KCNC2: variants seen among roughly 807,000 people sequenced by gnomAD.
KCNC2 encodes the protein potassium voltage-gated channel subfamily C member 2.
KCNC2 carries 21 observed loss-of-function variants against 44.5 expected under a neutral mutation model. The ratio of observed to expected loss-of-function variants is 0.47; its 90% CI spans 0.33 to 0.68. KCNC2 has a LOEUF of 0.68. KCNC2 is among the 30% of genes least tolerant of loss of function. The probability of loss-of-function intolerance (pLI) is 0.01; values close to 1 mark genes in which losing one functional copy is unlikely to be tolerated. For synonymous variants in KCNC2, 391 were observed against 339.1 expected (o/e 1.15, Z -1.68); for missense variants, 589 against 826.2 (o/e 0.71, Z 3.52).
intron 2 of KCNC2, among the ~76,000 whole-genome samples, chr12:75,118,296 C>A (rs568253933): frequency 6.6e-6 from 1 of 151,906 alleles, no homozygotes; most frequent in Admixed American, 6.6e-5. Flanking sequence ...AATACATGCA[C>A]GATACTACAG....
At chr12:75,128,692 C>T (rs986404556) in intron 2 of KCNC2, among the ~76,000 whole-genome samples, 6 of 152,100 alleles carry the variant, frequency 3.9e-5, no homozygotes, top group African/African-American at 1.4e-4. Flanking sequence ...ATGGTTTTCA[C>T]TGCCTGGTTA....
chr12:75,072,110 G>A lies in KCNC2; in HGVS notation c.688-20793C>T, dbSNP rs190549794. Among the ~76,000 whole-genome samples, 840 of 152,190 alleles carry A rather than the reference G, an allele frequency of 5.5e-3. 9 individuals are homozygous for A. The highest frequency in any genetic ancestry group is 0.024 in the Middle Eastern group (7 of 294). On this transcript the variant is annotated intron_variant, in intron 2 of 4. Transcript: ENST00000549446. ...TGATATATGTAATTATGCTGACATA[G>A]AATCAATATGTTATGGAGCTAGATG... is the stretch of plus-strand genomic sequence containing the variant.
chr12:75,184,493 A>AT (rs890038776), intron 2 of KCNC2, among the ~76,000 whole-genome samples: 5 of 151,972 alleles, frequency 3.3e-5, no homozygotes, highest in African/African-American at 4.8e-5. Flanking sequence ...TGATTTATAT[A>AT]TTTTTTTCAT....
At chr12:75,077,928 T>C (rs1697429005) in intron 2 of KCNC2, among the ~76,000 whole-genome samples, 1 of 152,080 alleles carries the variant, frequency 6.6e-6, no homozygotes, top group Non-Finnish European at 1.5e-5. Flanking sequence ...ACCCTAAATA[T>C]TACATATTTA....
intron 2 of KCNC2, among the ~76,000 whole-genome samples, chr12:75,132,106 G>C (rs1167154168): frequency 6.6e-6 from 1 of 152,000 alleles, no homozygotes; most frequent in African/African-American, 2.4e-5. Context: ...TCCACTTTAA[G>C]GTTTTGTAGT....
intron 2 of KCNC2, among the ~76,000 whole-genome samples, 179 bp from the exon 3 acceptor site, chr12:75,051,496 A>C (rs1881167560): frequency 6.6e-6 from 1 of 152,166 alleles, no homozygotes; most frequent in Admixed American, 6.6e-5. Flanking sequence ...TAGAGTGTAC[A>C]GGTAATGTAT....
At chr12:75,136,925 T>G (rs1190001906) in intron 2 of KCNC2, among the ~76,000 whole-genome samples, 1 of 152,104 alleles carries the variant, frequency 6.6e-6, no homozygotes, top group African/African-American at 2.4e-5. Context: ...CTCTGCATGT[T>G]CCCACCACAA....
At chr12:75,152,316 AAAAAG>A (rs1029942995) in intron 2 of KCNC2, among the ~76,000 whole-genome samples, 2 of 151,710 alleles carry the variant, frequency 1.3e-5, no homozygotes, top group African/African-American at 4.8e-5. Flanking sequence ...AAAATCAACG[AAAAAG>A]AAAACACAAA....
intron 2 of KCNC2, among the ~76,000 whole-genome samples, chr12:75,086,953 T>C (rs188215571): frequency 3.0e-4 from 45 of 152,074 alleles, no homozygotes; most frequent in Admixed American, 2.4e-3. Flanking sequence ...TTTATTCATG[T>C]AGTTATTCAA....
At chr12:75,093,744 T>C (rs1451875998) in intron 2 of KCNC2, among the ~76,000 whole-genome samples, 1 of 151,624 alleles carries the variant, frequency 6.6e-6, no homozygotes, top group Non-Finnish European at 1.5e-5. Flanking sequence ...CTAAAACTCA[T>C]GTTCACCCAC....
At chr12:75,155,966 C>T (rs986201861) in intron 2 of KCNC2, among the ~76,000 whole-genome samples, 4 of 151,746 alleles carry the variant, frequency 2.6e-5, no homozygotes, top group Non-Finnish European at 5.9e-5. Flanking sequence ...AAGACAAGTA[C>T]CTACAATGAG....
chr12:75,188,701 A>G (rs1274440849), intron 2 of KCNC2, among the ~76,000 whole-genome samples: 1 of 151,834 alleles, frequency 6.6e-6, no homozygotes, highest in Non-Finnish European at 1.5e-5. Context: ...TCTACTAAAA[A>G]TACAAAAAAT....
At chr12:75,061,649 T>C (rs1882352037) in intron 2 of KCNC2, among the ~76,000 whole-genome samples, 1 of 148,984 alleles carries the variant, frequency 6.7e-6, no homozygotes, top group African/African-American at 2.5e-5. Flanking sequence ...GGGTGGAAAA[T>C]CAATTTTGTC....
chr12:75,066,409 A>C (rs1018362883), intron 2 of KCNC2, among the ~76,000 whole-genome samples: 2 of 152,218 alleles, frequency 1.3e-5, no homozygotes, highest in African/African-American at 4.8e-5. Context: ...GACTAAATTA[A>C]AGTTTCCTAG....
At position 75,112,132 on chromosome 12, in the gene KCNC2, T is replaced by A. The variant is rs942063195; in HGVS notation, c.688-60815A>T. Among the ~76,000 whole-genome samples the A allele has an allele frequency of 1.2e-4, 18 of 151,926 alleles. 1 individual carries two copies. Among genetic ancestry groups the A allele is most frequent in the East Asian group, 9.6e-4 (5 of 5,200 alleles). ...GTTAACTATAATTTATCTATCACTTTATATAATGTGAAAAATACAAAAATA... is the reference window on the plus strand; with the variant it reads ...GTTAACTATAATTTATCTATCACTTAATATAATGTGAAAAATACAAAAATA... On this transcript the variant is annotated intron_variant, in intron 2 of 4. Coordinates refer to ENST00000549446, the MANE Select transcript of KCNC2 (RefSeq NM_139137.4).
intron 2 of KCNC2, among the ~76,000 whole-genome samples, chr12:75,130,586 A>G (rs1888767335): frequency 6.6e-6 from 1 of 152,296 alleles, no homozygotes; most frequent in Non-Finnish European, 1.5e-5. Context: ...TTATTATAAC[A>G]TAGAAAGTGA....
At chr12:75,145,215 A>G (rs562022753) in intron 2 of KCNC2, among the ~76,000 whole-genome samples, 22 of 134,166 alleles carry the variant, frequency 1.6e-4, no homozygotes, top group African/African-American at 6.1e-4. Flanking sequence ...ATCCTCTCCA[A>G]AAAAAAAAAG....
rs201942907 is a variant in KCNC2, at chr12:75,050,397, G to T, written c.1608C>A (p.Asn536Lys). The change falls in exon 3 of 5, where the codon AAC becomes AAA. Residue 536 changes from asparagine (N) to lysine (K), a missense_variant. Coordinates refer to ENST00000549446, the MANE Select transcript of KCNC2 (RefSeq NM_139137.4). ...TTTGAAGTCCTGCCTTACCTGATCTGTTATGTTCCAGAAGTCGATTGTCTT... is the reference window on the plus strand; with the variant it reads ...TTTGAAGTCCTGCCTTACCTGATCTTTTATGTTCCAGAAGTCGATTGTCTT... ...LGKDNRLLEH[N>K]RSVLSGDDST... 2 of 1,607,514 alleles carry T rather than the reference G, an allele frequency of 1.2e-6. No individual in the cohort carries two copies. The highest frequency in any genetic ancestry group is 1.7e-6 in the Non-Finnish European group (2 of 1,175,580).
chr12:75,130,000 A>T (rs1463549510), intron 2 of KCNC2, among the ~76,000 whole-genome samples: 1 of 152,184 alleles, frequency 6.6e-6, no homozygotes, highest in Non-Finnish European at 1.5e-5. Flanking sequence ...GCCAGCCTTT[A>T]TTCAATCTAC....
Sources: gnomAD v4.1 joint callset for allele counts (sites outside exome capture counted in the v4.1 genomes callset) on GRCh38, gnomAD v4.1.1 for gene constraint, MANE v1.5 for transcripts, NCBI Gene and HGNC (gene_info 2026-07-23, HGNC 2026-07-21) for gene names.